KAZN: variants seen among roughly 807,000 people sequenced by gnomAD.
KAZN encodes kazrin, periplakin interacting protein, also known as kazrin.
KAZN carries 40 observed loss-of-function variants against 87.4 expected under a neutral mutation model. That is an observed-to-expected ratio of 0.46 (90% CI 0.36 to 0.60). The LOEUF (loss-of-function observed/expected upper bound fraction) is 0.60. KAZN is among the 20% of genes least tolerant of loss of function. The pLI is 0.00. For missense variants in KAZN, 898 were observed against 1,073.9 expected, an observed-to-expected ratio of 0.84 and a Z score of 2.29; for synonymous variants, 466 against 458.3, an observed-to-expected ratio of 1.02 and a Z score of -0.22.
At chr1:14,862,072 T>C (rs1650920070) in intron 1 of KAZN, among the ~76,000 whole-genome samples, 1 of 152,216 alleles carries the variant, frequency 6.6e-6, no homozygotes, top group Non-Finnish European at 1.5e-5. Context: ...AAATCCTGAC[T>C]GCCTACAGCG....
At chr1:15,006,558 A>C (rs1470267552) in intron 2 of KAZN, among the ~76,000 whole-genome samples, 1 of 152,190 alleles carries the variant, frequency 6.6e-6, no homozygotes, top group Non-Finnish European at 1.5e-5. Flanking sequence ...GTGATCAATC[A>C]CTCATTCATG....
At chr1:14,444,543 C>T (rs774125612) in intron 2 of KAZN, among the ~76,000 whole-genome samples, 4 of 152,048 alleles carry the variant, frequency 2.6e-5, no homozygotes, top group Non-Finnish European at 4.4e-5. Context: ...AAACTCCTAA[C>T]CTCAGGTGAT....
At chr1:14,855,160 C>T (rs1321886113) in intron 1 of KAZN, among the ~76,000 whole-genome samples, 1 of 152,120 alleles carries the variant, frequency 6.6e-6, no homozygotes, top group African/African-American at 2.4e-5. Context: ...TGTTACCAGC[C>T]CGTTTCCAAC....
At chr1:14,823,180 A>G (rs1646785876) in intron 1 of KAZN, among the ~76,000 whole-genome samples, 2 of 152,228 alleles carry the variant, frequency 1.3e-5, no homozygotes, top group Non-Finnish European at 2.9e-5. Context: ...ACACATGGGC[A>G]GGCTCTGAAT....
At chr1:14,577,491 A>T (rs1191099982) in intron 2 of KAZN, among the ~76,000 whole-genome samples, 1 of 152,158 alleles carries the variant, frequency 6.6e-6, no homozygotes, top group African/African-American at 2.4e-5. Flanking sequence ...GGAGGTGAGA[A>T]GTAGCTTTGG....
Position 13,983,620 on chromosome 1 carries a change from C to A in KAZN, c.91+89864C>A, listed in dbSNP as rs549996226. 3.2e-4 allele frequency among the ~76,000 whole-genome samples: 49 copies of A among 152,328 alleles called. 1 individual carries two copies. The highest frequency in any genetic ancestry group is 3.4e-3 in the Middle Eastern group (1 of 294). On this transcript the variant is annotated intron_variant, in intron 1 of 16. Coordinates refer to the KAZN transcript ENST00000636203. ...CCAGAAAGGGGCTCCCACAGCGAAGCGATGGGCTGAAGGGCTCCTCAAGTG... is the reference window on the plus strand; with the variant it reads ...CCAGAAAGGGGCTCCCACAGCGAAGAGATGGGCTGAAGGGCTCCTCAAGTG...
intron 1 of KAZN, among the ~76,000 whole-genome samples, chr1:14,030,149 C>G (rs1358629020): frequency 6.7e-6 from 1 of 150,194 alleles, no homozygotes; most frequent in Non-Finnish European, 1.5e-5. Flanking sequence ...CTTTTATTTC[C>G]TTGAGCAGTG....
intron 2 of KAZN, among the ~76,000 whole-genome samples, chr1:14,365,363 CGGGGTGGGGG>C (rs1659896289): frequency 1.1e-5 from 1 of 90,278 alleles, no homozygotes; most frequent in Non-Finnish European, 2.2e-5. Flanking sequence ...CCCCTCCCCC[CGGGGTGGGGG>C]GGGGGGGGGT....
intron 2 of KAZN, among the ~76,000 whole-genome samples, chr1:14,323,348 T>A (rs964442587): frequency 1.3e-5 from 2 of 152,072 alleles, no homozygotes; most frequent in African/African-American, 4.8e-5. Context: ...CCTGAAAACA[T>A]TGGTGAACAG....
At chr1:14,203,580 A>G (rs1646682871) in intron 2 of KAZN, among the ~76,000 whole-genome samples, 1 of 151,884 alleles carries the variant, frequency 6.6e-6, no homozygotes, top group Non-Finnish European at 1.5e-5. Context: ...GCTGAAACAG[A>G]GATTCACATC....
At chr1:15,106,045 G>C (rs12133901) in intron 13 of KAZN, among the ~76,000 whole-genome samples, 59,549 of 151,840 alleles carry the variant, frequency 0.39, 11,847 homozygotes, top group South Asian at 0.49. Flanking sequence ...TTTAGGAGGC[G>C]GAGGCAGGAG....
chr1:14,390,357 A>G (rs371942835), intron 2 of KAZN, among the ~76,000 whole-genome samples: 19 of 152,218 alleles, frequency 1.2e-4, no homozygotes, highest in Admixed American at 4.6e-4. Context: ...CGAAGAAAAT[A>G]TAAGTACCTC....
intron 2 of KAZN, among the ~76,000 whole-genome samples, chr1:14,275,490 G>GTGTGTGTC (rs1028648873): frequency 1.4e-4 from 20 of 143,892 alleles, no homozygotes; most frequent in Non-Finnish European, 2.8e-4. Flanking sequence ...GTGTGTGTGT[G>GTGTGTGTC]TCTAAACAAT....
chr1:14,288,717 C>G (rs1360408963), intron 2 of KAZN, among the ~76,000 whole-genome samples: 1 of 152,182 alleles, frequency 6.6e-6, no homozygotes, highest in Non-Finnish European at 1.5e-5. Context: ...TTCTTGCCAT[C>G]TGCTAGCTTT....
chr1:14,503,080 G>A (rs1222301403), intron 2 of KAZN, among the ~76,000 whole-genome samples: 1 of 152,052 alleles, frequency 6.6e-6, no homozygotes, highest in Non-Finnish European at 1.5e-5. Context: ...TGGAATATGG[G>A]CGGTTCACAT....
intron 1 of KAZN, among the ~76,000 whole-genome samples, chr1:14,036,894 C>T (rs1641583921): frequency 1.3e-5 from 2 of 151,996 alleles, no homozygotes; most frequent in Non-Finnish European, 2.9e-5. Flanking sequence ...ATTCTCCTGC[C>T]TCAGCCTCCC....
chr1:15,093,121 C>T (rs1640631602), intron 8 of KAZN, among the ~76,000 whole-genome samples: 1 of 152,090 alleles, frequency 6.6e-6, no homozygotes, highest in Non-Finnish European at 1.5e-5. Flanking sequence ...ATTACGGAGC[C>T]TCCTTCTGAT....
chr1:14,492,137 C>T (rs1009691094), intron 2 of KAZN, among the ~76,000 whole-genome samples: 1 of 152,178 alleles, frequency 6.6e-6, no homozygotes, highest in African/African-American at 2.4e-5. Flanking sequence ...CCTAGAAGGG[C>T]CTGACCAGCT....
intron 2 of KAZN, among the ~76,000 whole-genome samples, chr1:14,211,145 G>A (rs1646845135): frequency 6.6e-6 from 1 of 152,174 alleles, no homozygotes; most frequent in Admixed American, 6.5e-5. Flanking sequence ...CACCCAAATT[G>A]CAGAGAAGTC....
Sources: allele counts gnomAD v4.1 joint callset (sites outside exome capture counted in the v4.1 genomes callset), GRCh38; gene constraint gnomAD v4.1.1; transcripts MANE v1.5; gene names NCBI Gene and HGNC (gene_info 2026-07-23, HGNC 2026-07-21).